PIK3C2B: variants seen among roughly 807,000 people sequenced by gnomAD.
PIK3C2B encodes phosphatidylinositol-4-phosphate 3-kinase catalytic subunit type 2 beta.
PIK3C2B carries 83 observed loss-of-function variants against 184.3 expected under a neutral mutation model. The ratio of observed to expected loss-of-function variants is 0.45; its 90% confidence interval spans 0.38 to 0.54. The LOEUF (loss-of-function observed/expected upper bound fraction) is 0.54, where lower values mean the gene tolerates loss of function less well. PIK3C2B is among the 20% of genes least tolerant of loss of function. The pLI is 0.00. For missense variants in PIK3C2B, 1,736 were observed against 2,113.5 expected (o/e 0.82, Z 3.50); for synonymous variants, 779 against 837.6 (o/e 0.93, Z 1.21).
intron 16 of PIK3C2B, 69 bp from the exon 17 acceptor site, chr1:204,444,493 C>A: frequency 8.9e-7 from 1 of 1,117,524 alleles, no homozygotes; most frequent in East Asian, 2.5e-5. Context: ...GCCCAGCACC[C>A]TCACACCTGG....
At chr1:204,481,486 T>C (rs1657142655) in intron 1 of PIK3C2B, among the ~76,000 whole-genome samples, 1 of 152,122 alleles carries the variant, frequency 6.6e-6, no homozygotes, top group Non-Finnish European at 1.5e-5. Flanking sequence ...CTCGATCTCC[T>C]GACCTCATGA....
chr1:204,473,286 G>A (rs1036238055), intron 1 of PIK3C2B, among the ~76,000 whole-genome samples: 2 of 152,210 alleles, frequency 1.3e-5, no homozygotes, highest in Non-Finnish European at 2.9e-5. Flanking sequence ...TTGCACTTAG[G>A]AATTAGTTCA....
chr1:204,481,205 C>T (rs1657111569), intron 1 of PIK3C2B, among the ~76,000 whole-genome samples: 2 of 151,898 alleles, frequency 1.3e-5, no homozygotes. Flanking sequence ...TGCTCACTCA[C>T]TCCCTCACCA....
chr1:204,459,827 G>C (rs1558260729), intron 8 of PIK3C2B, 51 bp downstream of exon 8: 1 of 1,456,908 alleles, frequency 6.9e-7, no homozygotes, highest in Admixed American at 1.7e-5. Flanking sequence ...CTGAGGAAGG[G>C]GAGAGGAGGA....
At chr1:204,456,906 ACC>A (rs1553304142) in intron 10 of PIK3C2B, 129 bp downstream of exon 10, 12,499 of 149,192 alleles carry the variant, frequency 0.084, 176 homozygotes, top group Non-Finnish European at 0.11. Flanking sequence ...ACACACACAC[ACC>A]CACACACACA....
At position 204,469,636 on chromosome 1, in the gene PIK3C2B, G is replaced by A. The variant is rs760410875; in HGVS notation, c.167C>T (p.Ser56Phe). 6.2e-7 allele frequency: 1 copy of A among 1,613,042 alleles called. No individual in the cohort carries two copies. Among genetic ancestry groups the A allele is most frequent in the Non-Finnish European group, 8.5e-7 (1 of 1,179,428 alleles). ...CCCAGGCTCATCCCAGCTGATGAGA[G>A]AGGGGTCTGCGTTCTGCTTGGCTCT... ...ENRAKQNADP[S>F]LISWDEPGVD... The change falls in exon 2 of 33, where the codon TCT becomes TTT. Residue 56 changes from serine (S) to phenylalanine (F), a missense_variant. Ser to Phe is a radical substitution (Grantham distance 155). This residue lies in a region of PIK3C2B where 404 missense variants were observed against 418.0 expected (regional missense o/e 0.97). Transcript: ENST00000684373.
Position 204,433,552 on chromosome 1 carries a change from G to T in PIK3C2B, c.3844-127C>A. The T allele has an allele frequency of 1.4e-6, 1 of 724,726 alleles. No individual in the cohort carries two copies. Among genetic ancestry groups the T allele is most frequent in the South Asian group, 1.7e-5 (1 of 58,324 alleles). 44.9% of individuals were successfully genotyped at this position (724,726 alleles called of 1,614,324 possible). A position where few individuals can be genotyped will look rare whatever the true frequency, so the allele number is the denominator to read the frequency against. On this transcript the variant is annotated intron_variant, in intron 25 of 32. Coordinates refer to ENST00000684373, the MANE Select transcript of PIK3C2B (RefSeq NM_001377334.1). The surrounding 1 kb of genome is among the most constrained non-coding windows in gnomAD (Gnocchi z 5.0). ...CCCTTCTAGAGGGTGGTAGACAGAT[G>T]CTGTGGGCAGTGGCTGGAGGGCCAC...
At chr1:204,445,601 C>A (rs78338121) in intron 16 of PIK3C2B, among the ~76,000 whole-genome samples, 2,470 of 120,984 alleles carry the variant, frequency 0.02, no homozygotes, top group Non-Finnish European at 0.023. Context: ...GACCCTGTCT[C>A]AAAAAAAAAA....
In PIK3C2B at chr1:204,433,025, C is replaced by T. The variant is rs1478817238; in HGVS notation, c.3953+291G>A. 2.0e-5 allele frequency among the ~76,000 whole-genome samples: 3 copies of T among 152,150 alleles called. No individual in the cohort carries two copies. The highest frequency in any genetic ancestry group is 6.5e-5 in the Admixed American group (1 of 15,278). ...TACAAAAGCCACATTATACATTGCC[C>T]CATAGACAAAGTATTTGATGGGACC... On this transcript the variant is annotated intron_variant, in intron 26 of 32. Coordinates refer to ENST00000684373, the MANE Select transcript of PIK3C2B (RefSeq NM_001377334.1). The surrounding 1 kb of genome is among the most constrained non-coding windows in gnomAD (Gnocchi z 5.0).
At position 204,483,279 on chromosome 1, in the gene PIK3C2B, G is replaced by T. The variant is rs534748406; in HGVS notation, c.-85+11077C>A. Among the ~76,000 whole-genome samples, 237 of 152,136 alleles carry T rather than the reference G, an allele frequency of 1.6e-3. 3 individuals are homozygous for T. Among genetic ancestry groups the T allele is most frequent in the Non-Finnish European group, 2.7e-3 (183 of 68,014 alleles). On this transcript the variant is annotated intron_variant, in intron 1 of 32. Coordinates refer to ENST00000684373, the MANE Select transcript of PIK3C2B (RefSeq NM_001377334.1). Reference sequence around the variant, plus strand: ...CAAAAAACACAAAAATTAGCTGGGTGTGGTGGCATGTACCTGTAGTCCCAG... The same window carrying T: ...CAAAAAACACAAAAATTAGCTGGGTTTGGTGGCATGTACCTGTAGTCCCAG...
intron 5 of PIK3C2B, 114 bp downstream of exon 5, chr1:204,463,898 T>A: frequency 9.2e-7 from 1 of 1,086,552 alleles, no homozygotes; most frequent in Non-Finnish European, 1.4e-6. Context: ...AGCAGGAGTC[T>A]TGACTGTGGG....
At chr1:204,467,027 CA>C (rs756198525) in intron 2 of PIK3C2B, 1 of 462,226 alleles carries the variant, frequency 2.2e-6, no homozygotes, top group Non-Finnish European at 4.4e-6. Context: ...CGGGGAGGAC[CA>C]AGGCCGCATT....
At chr1:204,453,407 C>T (rs187485951) in intron 12 of PIK3C2B, among the ~76,000 whole-genome samples, 391 of 152,340 alleles carry the variant, frequency 2.6e-3, no homozygotes, top group Non-Finnish European at 4.7e-3. Flanking sequence ...TTAATATTAC[C>T]TTGTGCTTTT....
chr1:204,466,467 G>A (rs749277162), intron 2 of PIK3C2B, among the ~76,000 whole-genome samples: 4 of 149,800 alleles, frequency 2.7e-5, no homozygotes, highest in Non-Finnish European at 4.4e-5. Context: ...TGCTCCCCTG[G>A]GTGTGCATGG....
chr1:204,486,683 T>C (rs1052468182), intron 1 of PIK3C2B, among the ~76,000 whole-genome samples: 1 of 152,064 alleles, frequency 6.6e-6, no homozygotes, highest in Non-Finnish European at 1.5e-5. Flanking sequence ...TGACCCGAGA[T>C]TGCGCCATTG....
intron 23 of PIK3C2B, among the ~76,000 whole-genome samples, chr1:204,437,842 G>A (rs990075022): frequency 5.3e-5 from 8 of 152,196 alleles, no homozygotes; most frequent in African/African-American, 1.7e-4. Context: ...AGTTTGAGAC[G>A]TGGGTGAAAC....
chr1:204,445,212 A>G (rs1653746791), intron 16 of PIK3C2B, among the ~76,000 whole-genome samples: 1 of 152,036 alleles, frequency 6.6e-6, no homozygotes, highest in South Asian at 2.1e-4. Context: ...AAAAGAAAAA[A>G]AAAAAAAAAC....
At chr1:204,456,223 G>A in intron 10 of PIK3C2B, 172 bp from the exon 11 acceptor site, 1 of 497,770 alleles carries the variant, frequency 2.0e-6, no homozygotes, top group Non-Finnish European at 3.5e-6. Flanking sequence ...GAAAAAAGCA[G>A]AAGCATGTCA....
intron 5 of PIK3C2B, among the ~76,000 whole-genome samples, chr1:204,462,822 G>A (rs1478824796): frequency 6.6e-6 from 1 of 152,200 alleles, no homozygotes; most frequent in African/African-American, 2.4e-5. Flanking sequence ...GGGAGGCCAA[G>A]GCGGGCAGAT....
Sources: gnomAD v4.1 joint callset for allele counts (sites outside exome capture counted in the v4.1 genomes callset) on GRCh38, gnomAD v4.1.1 for gene constraint, gnomAD v4.1.1 regional missense constraint, Gnocchi (gnomAD v3.1) non-coding constraint, MANE v1.5 for transcripts, NCBI Gene and HGNC (gene_info 2026-07-23, HGNC 2026-07-21) for gene names.